The following RGS12 variants were observed in gnomAD, a reference collection of about 807,000 sequenced individuals.
RGS12 encodes regulator of G protein signaling 12.
In RGS12, 66 loss-of-function variants were observed where a neutral mutation model predicts 120.1. The observed-to-expected ratio is 0.55, with a 90% CI of 0.45 to 0.67. The LOEUF (loss-of-function observed/expected upper bound fraction) is 0.67. RGS12 is among the 30% of genes least tolerant of loss of function. The pLI is 0.00. For missense variants in RGS12, 1,859 were observed against 1,957.7 expected, an observed-to-expected ratio of 0.95 and a Z score of 0.95; for synonymous variants, 827 against 804.7, an observed-to-expected ratio of 1.03 and a Z score of -0.47.
chr4:3,413,835 C>T (rs915172425), intron 4 of RGS12: 23 of 508,262 alleles, frequency 4.5e-5, no homozygotes, highest in South Asian at 4.4e-4. Context: ...TGTGTGTGCT[C>T]GTGCACACAC....
At position 3,408,553 on chromosome 4, in the gene RGS12, A is replaced by G. The variant is rs370305698; in HGVS notation, c.2021-5519A>G. 3.9e-5 allele frequency among the ~76,000 whole-genome samples: 6 copies of G among 152,354 alleles called. No individual in the cohort carries two copies. In the South Asian group the frequency reaches 1.2e-3, roughly 32 times the overall value. ...GAATTCCGGGTGGACGTTTTCCGGT[A>G]GCCAGTTTTTGAAAAACGTGTGTGT... On this transcript the variant is annotated intron_variant, in intron 4 of 17. Transcript: ENST00000336727.
upstream of RGS12, chr4:3,292,967 C>G (rs1190483692): frequency 1.4e-5 from 2 of 139,542 alleles, no homozygotes; most frequent in Non-Finnish European, 3.3e-5. Flanking sequence ...CCCTCTCCGT[C>G]CCCGCCCCTC....
upstream of RGS12, among the ~76,000 whole-genome samples, chr4:3,291,432 C>T (rs528502291): frequency 4.6e-5 from 7 of 151,766 alleles, no homozygotes; most frequent in East Asian, 3.9e-4. Context: ...CAGCAACCTC[C>T]GCCTCCGGGG....
rs1168168355 is a variant in RGS12 at position 3,314,260 on chromosome 4, C to T, written c.-101-1810C>T. The T allele has an allele frequency of 2.0e-5, 3 of 152,080 alleles. No homozygotes were observed. The South Asian group carries it at 6.2e-4, about 31-fold the overall frequency. The allele number at this position is 152,080 out of a possible 1,614,324, so 9.4% of individuals were successfully genotyped here. On this transcript the variant is annotated intron_variant, in intron 1 of 17. Transcript: ENST00000336727. ...CACTTTTGGAGTCACCTAGTAATAG[C>T]CTTTCCACTCTATCTAGTTCTGTAG...
At chr4:3,337,696 G>A (rs1292450682) in intron 2 of RGS12, among the ~76,000 whole-genome samples, 1 of 152,122 alleles carries the variant, frequency 6.6e-6, no homozygotes, top group Non-Finnish European at 1.5e-5. Context: ...CTGGGGGAGG[G>A]GAATGGAGAG....
At chr4:3,349,232 A>C (rs767647179) in intron 3 of RGS12, among the ~76,000 whole-genome samples, 11 of 152,182 alleles carry the variant, frequency 7.2e-5, no homozygotes, top group African/African-American at 9.7e-5. Flanking sequence ...TTTATTTCGT[A>C]AATTTATCTT....
At chr4:3,438,613 C>G (rs1438681711) in intron 17 of RGS12, among the ~76,000 whole-genome samples, 2 of 152,174 alleles carry the variant, frequency 1.3e-5, no homozygotes, top group Non-Finnish European at 2.9e-5. Flanking sequence ...GGCATAGACA[C>G]AACTGTGTCT....
intron 3 of RGS12, among the ~76,000 whole-genome samples, chr4:3,344,526 T>C (rs975220137): frequency 6.6e-6 from 1 of 152,242 alleles, no homozygotes; most frequent in African/African-American, 2.4e-5. Context: ...AGGTTTGGGC[T>C]GACAGAGCTG....
chr4:3,371,944 C>T (rs553579089), intron 3 of RGS12, among the ~76,000 whole-genome samples: 11 of 152,204 alleles, frequency 7.2e-5, no homozygotes, highest in African/African-American at 2.2e-4. Context: ...AAAGAGCACG[C>T]GGGGGAGCTG....
chr4:3,288,418 T>C (rs1722949372), upstream of RGS12, among the ~76,000 whole-genome samples: 1 of 152,104 alleles, frequency 6.6e-6, no homozygotes, highest in African/African-American at 2.4e-5. The surrounding 1 kb of genome is among the most constrained non-coding windows in gnomAD (Gnocchi z 5.2). Context: ...CCTGGCTTCC[T>C]GGTGCAGCTC....
intron 3 of RGS12, among the ~76,000 whole-genome samples, chr4:3,354,576 A>G (rs529891954): frequency 8.5e-5 from 13 of 152,356 alleles, no homozygotes; most frequent in Non-Finnish European, 1.6e-4. Flanking sequence ...GTTTCCTGCC[A>G]CAGTGCAGGT....
In RGS12 at chr4:3,430,706, C is replaced by T. The variant is rs753911006; in HGVS notation, c.3865C>T (p.Pro1289Ser). 2.5e-6 allele frequency: 4 copies of T among 1,577,538 alleles called. No individual in the cohort carries two copies. The South Asian group carries it at 3.5e-5, about 14-fold the overall frequency. Residue 1289 changes from proline to serine, a missense_variant, in exon 17 of 18, where the codon CCC (proline) becomes TCC (serine). Pro to Ser is a moderately conservative substitution (Grantham distance 74, BLOSUM62 -1). Coordinates refer to ENST00000336727, the MANE Select transcript of RGS12 (RefSeq NM_001394154.1). ...SSPPGPPGTT[P>S]PGQKSPSGPF... is the part of the protein sequence containing the mutation. ...CCCCCCTGGACCTCCTGGGACGACC[C>T]CCCCCGGGCAGAAGTCTCCCAGCGG...
rs147989811 is a variant in RGS12, at chr4:3,301,758, G to A, written c.-102+8659G>A. Among the ~76,000 whole-genome samples, 112 of 152,094 alleles carry A rather than the reference G, an allele frequency of 7.4e-4. 2 individuals carry two copies. The East Asian group carries it at 0.017, about 23-fold the overall frequency. On this transcript the variant is annotated intron_variant, in intron 1 of 17. Coordinates refer to ENST00000336727, the MANE Select transcript of RGS12 (RefSeq NM_001394154.1). ...TTTGTCCAAGGAAGCAGGTATGAGGGAATGAAGGGGTGGGGGGCGCAGAGG... is the reference window on the plus strand; with the variant it reads ...TTTGTCCAAGGAAGCAGGTATGAGGAAATGAAGGGGTGGGGGGCGCAGAGG...
chr4:3,371,969 T>A (rs1455131246), intron 3 of RGS12, among the ~76,000 whole-genome samples: 1 of 152,014 alleles, frequency 6.6e-6, no homozygotes, highest in African/African-American at 2.4e-5. Flanking sequence ...GATTTCCACT[T>A]GGAGAGAATG....
upstream of RGS12, among the ~76,000 whole-genome samples, chr4:3,291,348 C>CTT (rs66464754): frequency 0.16 from 21,859 of 132,762 alleles, 2,155 homozygotes; most frequent in African/African-American, 0.25. Flanking sequence ...TTTCCTGGCT[C>CTT]TTTTTTTTTT....
intron 3 of RGS12, among the ~76,000 whole-genome samples, chr4:3,375,105 C>T (rs1030965929): frequency 2.8e-4 from 42 of 152,150 alleles, no homozygotes; most frequent in African/African-American, 3.6e-4. Context: ...CAGGAGGGGT[C>T]GGAGCTCAGG....
intron 3 of RGS12, among the ~76,000 whole-genome samples, chr4:3,368,608 A>T (rs1359094234): frequency 1.6e-5 from 1 of 61,510 alleles, no homozygotes; most frequent in Non-Finnish European, 3.0e-5. Flanking sequence ...GTGTGTGGGT[A>T]CCTGTGTGTG....
chr4:3,317,588 C>G lies in RGS12; in HGVS notation c.1418C>G (p.Thr473Ser). 6.3e-7 allele frequency: 1 copy of G among 1,595,724 alleles called. No homozygotes were observed. Among genetic ancestry groups the G allele is most frequent in the Non-Finnish European group, 8.5e-7 (1 of 1,170,860 alleles). Residue 473 changes from threonine (T) to serine (S), a missense_variant, in exon 2 of 18, where the codon ACT becomes AGT. Thr to Ser is a moderately conservative substitution (Grantham distance 58). Around this residue, in one of 3 missense-constraint regions of RGS12, gnomAD observed 967 missense variants for 994.2 expected, o/e 0.97. Coordinates refer to ENST00000336727, the MANE Select transcript of RGS12 (RefSeq NM_001394154.1). ...RGAQPWGAPWTGPFCPDPEGS... is the reference protein window; with the variant it reads ...RGAQPWGAPWSGPFCPDPEGS... ...GCCCAGCCCTGGGGTGCTCCCTGGA[C>G]TGGGCCCTTCTGTCCGGACCCCGAA...
intron 1 of RGS12, among the ~76,000 whole-genome samples, chr4:3,311,231 G>A (rs988800641): frequency 6.6e-6 from 1 of 152,206 alleles, no homozygotes; most frequent in Non-Finnish European, 1.5e-5. Context: ...GCGGACGGGT[G>A]CTGGCTTGGT....
Sources: allele counts gnomAD v4.1 joint callset (sites outside exome capture counted in the v4.1 genomes callset), GRCh38; gene constraint gnomAD v4.1.1; regional missense constraint gnomAD v4.1.1; non-coding constraint Gnocchi (gnomAD v3.1); transcripts MANE v1.5; gene names NCBI Gene and HGNC (gene_info 2026-07-23, HGNC 2026-07-21).